SMC6: variants seen among roughly 807,000 people sequenced by gnomAD.
SMC6 encodes the protein structural maintenance of chromosomes protein 6.
SMC6 carries 79 observed loss-of-function variants against 142.2 expected under a neutral mutation model. The observed-to-expected ratio is 0.56, with a 90% CI of 0.46 to 0.67. The LOEUF (loss-of-function observed/expected upper bound fraction) is 0.67, where lower values mean the gene tolerates loss of function less well. Among genes scored for constraint, SMC6 ranks in the 30% least tolerant of loss-of-function variants. The pLI, the probability that SMC6 is intolerant of heterozygous loss-of-function variation, is 0.00. For synonymous variants in SMC6, 411 were observed against 412.4 expected, an observed-to-expected ratio of 1.00 and a Z score of 0.04; for missense variants, 1,072 against 1,284.0, an observed-to-expected ratio of 0.83 and a Z score of 2.52.
At chr2:17,692,044 T>G (rs545336887) in intron 23 of SMC6, among the ~76,000 whole-genome samples, 126 of 152,138 alleles carry the variant, frequency 8.3e-4, no homozygotes, top group African/African-American at 3.0e-3. Context: ...CACTGCTCAA[T>G]GAAATAAAAG....
At chr2:17,750,920 A>C (rs1436019287) in intron 2 of SMC6, among the ~76,000 whole-genome samples, 1 of 140,542 alleles carries the variant, frequency 7.1e-6, no homozygotes, top group Non-Finnish European at 1.5e-5. Context: ...CAGGAGAATC[A>C]CTTGAACCTG....
At chr2:17,674,971 GT>G (rs1480927931) in intron 25 of SMC6, among the ~76,000 whole-genome samples, 3 of 151,922 alleles carry the variant, frequency 2.0e-5, no homozygotes, top group Non-Finnish European at 4.4e-5. Flanking sequence ...TTTTCAGCCT[GT>G]TTTTAATTTA....
At chr2:17,748,484 A>C (rs1397491078) in intron 2 of SMC6, among the ~76,000 whole-genome samples, 1 of 152,260 alleles carries the variant, frequency 6.6e-6, no homozygotes, top group East Asian at 1.9e-4. Context: ...TTACCATTAC[A>C]GTTACAGCTA....
intron 18 of SMC6, 69 bp downstream of exon 18, chr2:17,707,150 A>G: frequency 1.6e-6 from 2 of 1,246,312 alleles, no homozygotes; most frequent in South Asian, 2.2e-5. Flanking sequence ...CTAAAAGAGT[A>G]ATATGAAAGA....
At chr2:17,684,798 C>G (rs770857708) in intron 23 of SMC6, among the ~76,000 whole-genome samples, 8 of 152,110 alleles carry the variant, frequency 5.3e-5, no homozygotes, top group Non-Finnish European at 1.2e-4. Context: ...TGCACTCCAG[C>G]CTGGGTGACA....
Position 17,665,431 on chromosome 2 carries a change from A to G in SMC6, c.*68T>C. The stretch of plus-strand genomic sequence containing the variant: ...CCTCCAGTCTCATTTTATTATATCA[A>G]AGAGTCCAGAATTTTTTTTCCCTTC... On this transcript the variant is annotated 3_prime_UTR_variant, in exon 28 of 28. Transcript: ENST00000448223. 4.0e-6 allele frequency: 4 copies of G among 992,956 alleles called. No homozygotes were observed. The South Asian group carries it at 7.6e-5, about 19-fold the overall frequency. The allele number at this position is 992,956 out of a possible 1,614,324, so 61.5% of individuals were successfully genotyped here. A position where few individuals can be genotyped will look rare whatever the true frequency, so the allele number is the denominator to read the frequency against.
chr2:17,688,291 T>C (rs1437603421), intron 23 of SMC6, among the ~76,000 whole-genome samples: 5 of 148,978 alleles, frequency 3.4e-5, no homozygotes, highest in Admixed American at 2.0e-4. Context: ...TATTTTGTTA[T>C]GTCACAAAGT....
intron 23 of SMC6, among the ~76,000 whole-genome samples, chr2:17,688,178 T>C (rs1667544985): frequency 6.6e-6 from 1 of 151,956 alleles, no homozygotes; most frequent in Admixed American, 6.6e-5. Flanking sequence ...ATCCCTAAAA[T>C]CCAAATTTTG....
At position 17,718,115 on chromosome 2, in the gene SMC6, C is replaced by T. The variant is rs576133663; in HGVS notation, c.1054G>A (p.Asp352Asn). The T allele has an allele frequency of 9.9e-6, 16 of 1,610,770 alleles. No individual in the cohort carries two copies. The African/African-American group carries it at 2.0e-4, about 20-fold the overall frequency. The part of the protein sequence containing the change: ...RAPECMALKA[D>N]VVAKKRAYNE... ...TAGGCCCTTTTCTTAGCAACAACAT[C>T]TGCTTTCAATGCCATACATTCTGGT... Residue 352 changes from aspartate to asparagine, a missense_variant, in exon 12 of 28, where the codon GAT becomes AAT. Physicochemically the swap from Asp to Asn is conservative, Grantham distance 23. Transcript: ENST00000448223.
rs764711697 is a variant in SMC6 at position 17,696,375 on chromosome 2, G to A, written c.2446C>T (p.Arg816Ter). The A allele has an allele frequency of 4.3e-6, 7 of 1,610,922 alleles. No homozygotes were observed. Among genetic ancestry groups the A allele is most frequent in the Admixed American group, 1.7e-5 (1 of 59,314 alleles). The part of the protein sequence containing the change: ...SEVDNQKRGK[R>*]HYEEKQKEHL... The stretch of plus-strand genomic sequence containing the variant: ...TCTTTTTGTTTTTCTTCATAATGTC[G>A]TTTCCCTCGTTTTTGGTTATCCACT... The change falls in exon 22 of 28, where the codon CGA (arginine) becomes TGA (stop). Residue 816 changes from arginine to a stop codon, truncating the protein, a stop_gained. Transcript: ENST00000448223. LOFTEE classifies it high-confidence loss of function.
At chr2:17,695,376 A>G in intron 22 of SMC6, 79 bp from the exon 23 acceptor site, 2 of 1,264,058 alleles carry the variant, frequency 1.6e-6, no homozygotes, top group Non-Finnish European at 1.1e-6. Flanking sequence ...CAAAATCTGC[A>G]AAGTAAAATT....
At chr2:17,707,508 A>C in intron 17 of SMC6, 129 bp from the exon 18 acceptor site, 1 of 505,958 alleles carries the variant, frequency 2.0e-6, no homozygotes, top group Non-Finnish European at 3.1e-6. Context: ...ACATTCAAAT[A>C]ATTTCATAAA....
At chr2:17,748,683 A>C (rs1476907384) in intron 2 of SMC6, among the ~76,000 whole-genome samples, 1 of 152,220 alleles carries the variant, frequency 6.6e-6, no homozygotes, top group Non-Finnish European at 1.5e-5. Context: ...ACCACCCTCT[A>C]TTCCCTTCTC....
chr2:17,675,407 G>C (rs1184118547), intron 25 of SMC6, among the ~76,000 whole-genome samples: 1 of 152,028 alleles, frequency 6.6e-6, no homozygotes, highest in Non-Finnish European at 1.5e-5. Context: ...GGCTGAAACT[G>C]TTTTGTATTT....
intron 19 of SMC6, among the ~76,000 whole-genome samples, chr2:17,702,248 T>C (rs542340244): frequency 6.6e-6 from 1 of 152,324 alleles, no homozygotes; most frequent in South Asian, 2.1e-4. Flanking sequence ...GTTTTCAAAA[T>C]ATGATCCAAG....
chr2:17,715,644 T>C (rs1359428267), intron 15 of SMC6, among the ~76,000 whole-genome samples: 2 of 152,100 alleles, frequency 1.3e-5, no homozygotes, highest in Admixed American at 1.3e-4. Flanking sequence ...ACCATGTATA[T>C]GTAAGAGTGA....
At chr2:17,731,975 T>G in intron 5 of SMC6, 98 bp from the exon 6 acceptor site, 1 of 1,332,886 alleles carries the variant, frequency 7.5e-7, no homozygotes, top group Non-Finnish European at 1.0e-6. Flanking sequence ...ACCAAATAAT[T>G]TGGCCAATTC....
At chr2:17,720,208 CAGAA>C (rs1332801226) in intron 11 of SMC6, among the ~76,000 whole-genome samples, 2 of 152,138 alleles carry the variant, frequency 1.3e-5, no homozygotes, top group African/African-American at 4.8e-5. Context: ...CTGTTCAAAA[CAGAA>C]AGAGTGAGTA....
rs1170523600 is a variant in SMC6 at position 17,721,227 on chromosome 2, T to G, written c.761A>C (p.Lys254Thr). Reference sequence around the variant, plus strand: ...AGCAATACTTTGAAAACGTTCCTCTTTCTCTACACACTGGCGCTTTAGTTC... The same window carrying G: ...AGCAATACTTTGAAAACGTTCCTCTGTCTCTACACACTGGCGCTTTAGTTC... The part of the protein sequence containing the change: ...LTELKRQCVE[K>T]EERFQSIAGL... The change falls in exon 10 of 28, where the codon AAA (lysine) becomes ACA (threonine). Residue 254 changes from lysine to threonine, a missense_variant. Coordinates refer to ENST00000448223, the MANE Select transcript of SMC6 (RefSeq NM_001142286.2). 6 of 1,610,586 alleles carry G rather than the reference T, an allele frequency of 3.7e-6. No individual in the cohort carries two copies. Among genetic ancestry groups the G allele is most frequent in the South Asian group, 1.1e-5 (1 of 89,872 alleles).
Sources: gnomAD v4.1 joint callset for allele counts (sites outside exome capture counted in the v4.1 genomes callset) on GRCh38, gnomAD v4.1.1 for gene constraint, MANE v1.5 for transcripts, NCBI Gene and HGNC (gene_info 2026-07-23, HGNC 2026-07-21) for gene names.